The following PAX5 variants were observed in gnomAD, a reference collection of about 807,000 sequenced individuals.
PAX5 encodes the protein paired box 5.
Under a neutral mutation model 43.7 loss-of-function variants are expected in PAX5, and 9 were observed. That is an observed-to-expected ratio of 0.21 (90% CI 0.12 to 0.36). PAX5 has a LOEUF of 0.36. PAX5 is among the 10% of genes least tolerant of loss of function. The pLI, the probability that PAX5 is intolerant of heterozygous loss-of-function variation, is 1.00. For missense variants in PAX5, 383 were observed against 532.7 expected, an observed-to-expected ratio of 0.72 and a Z score of 2.77; for synonymous variants, 228 against 214.3, an observed-to-expected ratio of 1.06 and a Z score of -0.56.
intron 7 of PAX5, among the ~76,000 whole-genome samples, chr9:36,907,516 T>C (rs1227277563): frequency 2.0e-5 from 3 of 152,208 alleles, no homozygotes. Context: ...TGTTCACCTC[T>C]GTCTGAAGCC....
At chr9:36,981,448 C>CAAA (rs200070533) in intron 5 of PAX5, among the ~76,000 whole-genome samples, 15 of 134,660 alleles carry the variant, frequency 1.1e-4, no homozygotes, top group Admixed American at 5.6e-4. Context: ...AAAAAAAAAA[C>CAAA]AAAAAACAGG....
At chr9:37,021,196 GA>G (rs1477878261) in intron 1 of PAX5, among the ~76,000 whole-genome samples, 1 of 151,930 alleles carries the variant, frequency 6.6e-6, no homozygotes, top group Admixed American at 6.5e-5. Context: ...ATTTAAAGAG[GA>G]AAAAAATAAA....
chr9:36,972,806 T>A (rs917458078), intron 5 of PAX5, among the ~76,000 whole-genome samples: 1 of 152,062 alleles, frequency 6.6e-6, no homozygotes, highest in Non-Finnish European at 1.5e-5. Context: ...GGCAGGCAAA[T>A]CACTTGAGGT....
chr9:36,968,945 G>A (rs563796427), intron 5 of PAX5, among the ~76,000 whole-genome samples: 4 of 152,082 alleles, frequency 2.6e-5, no homozygotes, highest in East Asian at 1.9e-4. Flanking sequence ...ACACGCACAC[G>A]CACACCAGGA....
chr9:36,957,909 C>A (rs1833625170), intron 6 of PAX5, among the ~76,000 whole-genome samples: 1 of 152,160 alleles, frequency 6.6e-6, no homozygotes. Context: ...CCACTGGAGG[C>A]ACCTTCCAAT....
At chr9:36,854,346 C>T (rs1823444140) in intron 8 of PAX5, among the ~76,000 whole-genome samples, 1 of 152,204 alleles carries the variant, frequency 6.6e-6, no homozygotes, top group South Asian at 2.1e-4. Flanking sequence ...TACACGTACA[C>T]ATGCATATAA....
At chr9:36,889,558 A>G (rs955588220) in intron 7 of PAX5, among the ~76,000 whole-genome samples, 2 of 152,228 alleles carry the variant, frequency 1.3e-5, no homozygotes, top group African/African-American at 4.8e-5. Context: ...ACAGCTAGTC[A>G]CAAATGGACC....
intron 7 of PAX5, among the ~76,000 whole-genome samples, chr9:36,891,114 G>A (rs895829502): frequency 8.5e-5 from 13 of 152,140 alleles, no homozygotes; most frequent in Non-Finnish European, 1.8e-4. Flanking sequence ...ACTCCGGCCT[G>A]GGCGACAGAG....
chr9:36,976,968 T>C (rs560973659), intron 5 of PAX5, among the ~76,000 whole-genome samples: 1 of 152,170 alleles, frequency 6.6e-6, no homozygotes, highest in Non-Finnish European at 1.5e-5. Flanking sequence ...ATCCCTGAGC[T>C]ACATACTGGG....
chr9:36,967,748 CTT>C (rs1262084656), intron 5 of PAX5, among the ~76,000 whole-genome samples: 1 of 152,102 alleles, frequency 6.6e-6, no homozygotes, highest in Admixed American at 6.6e-5. Flanking sequence ...GGGGGAGAGA[CTT>C]TTCATGGCAT....
At chr9:36,857,200 G>A (rs1823765863) in intron 8 of PAX5, among the ~76,000 whole-genome samples, 1 of 152,180 alleles carries the variant, frequency 6.6e-6, no homozygotes, top group African/African-American at 2.4e-5. Flanking sequence ...GTAGGGCATG[G>A]TAGAAAGTAA....
rs984456690 is a variant in PAX5 at position 36,836,630 on chromosome 9, C to T, written c.*3930G>A. On this transcript the variant is annotated 3_prime_UTR_variant, in exon 10 of 10. Transcript: ENST00000358127. Reference sequence around the variant, plus strand: ...CGCTGCCCGAGTGGCAAGGCTACACCACCCCGTTCACCCAGGAAGCAGTTC... The same window carrying T: ...CGCTGCCCGAGTGGCAAGGCTACACTACCCCGTTCACCCAGGAAGCAGTTC... 5 of 232,790 alleles carry T rather than the reference C, an allele frequency of 2.1e-5. No homozygotes were observed. Among genetic ancestry groups the T allele is most frequent in the Admixed American group, 5.6e-5 (1 of 17,780 alleles). 14.4% of individuals were successfully genotyped at this position (232,790 alleles called of 1,614,324 possible). A position where few individuals can be genotyped will look rare whatever the true frequency, so the allele number is the denominator to read the frequency against.
chr9:36,994,332 G>T (rs1024018968), intron 5 of PAX5, among the ~76,000 whole-genome samples: 3 of 152,132 alleles, frequency 2.0e-5, no homozygotes, highest in Non-Finnish European at 1.5e-5. Context: ...CATACCCTTG[G>T]GCCAAGCCTG....
At chr9:36,853,897 G>T (rs1460341539) in intron 8 of PAX5, among the ~76,000 whole-genome samples, 1 of 152,212 alleles carries the variant, frequency 6.6e-6, no homozygotes, top group Non-Finnish European at 1.5e-5. Context: ...AGGTAAACGG[G>T]CTCAGTATAG....
Position 36,884,521 on chromosome 9 carries a change from C to T in PAX5, c.911-2416G>A, listed in dbSNP as rs989078834. On this transcript the variant is annotated intron_variant, in intron 7 of 9. Coordinates refer to ENST00000358127, the MANE Select transcript of PAX5 (RefSeq NM_016734.3). ...ATTGATACTAAATCTAAAGTTAATA[C>T]CTTAAAAATACTTAATTGGTGAGAT... Among the ~76,000 whole-genome samples, 4 of 152,182 alleles carry T rather than the reference C, an allele frequency of 2.6e-5. No homozygotes were observed. In the South Asian group the frequency reaches 6.2e-4, roughly 24 times the overall value.
At chr9:36,961,450 G>A (rs375787560) in intron 6 of PAX5, among the ~76,000 whole-genome samples, 39 of 152,342 alleles carry the variant, frequency 2.6e-4, no homozygotes, top group East Asian at 2.5e-3. Context: ...TTTTGCACCC[G>A]TATTGATCTA....
At chr9:36,938,273 C>T (rs1265371013) in intron 6 of PAX5, among the ~76,000 whole-genome samples, 3 of 152,118 alleles carry the variant, frequency 2.0e-5, no homozygotes, top group African/African-American at 4.8e-5. Context: ...AATTATTTTT[C>T]GTGCTAATAC....
At chr9:36,931,658 G>A (rs773520276) in intron 6 of PAX5, among the ~76,000 whole-genome samples, 8 of 152,086 alleles carry the variant, frequency 5.3e-5, no homozygotes, top group African/African-American at 1.7e-4. Context: ...AGACCAGCCT[G>A]GCCAACACGG....
At chr9:37,006,390 T>C (rs887172142) in intron 4 of PAX5, 83 bp downstream of exon 4, 8 of 1,018,738 alleles carry the variant, frequency 7.9e-6, no homozygotes, top group Middle Eastern at 2.5e-4. Context: ...TGCAGAATTA[T>C]CTGTCCATAA....
Sources: gnomAD v4.1 joint callset for allele counts (sites outside exome capture counted in the v4.1 genomes callset) on GRCh38, gnomAD v4.1.1 for gene constraint, MANE v1.5 for transcripts, NCBI Gene and HGNC (gene_info 2026-07-23, HGNC 2026-07-21) for gene names.